AK9: variants seen among roughly 807,000 people sequenced by gnomAD.
The protein encoded by AK9 is adenylate kinase 9, also known as adenylate kinase domain containing 1.
Under a neutral mutation model 239.6 loss-of-function variants are expected in AK9, and 191 were observed. The observed-to-expected ratio is 0.80, with a 90% CI of 0.71 to 0.90. The LOEUF (loss-of-function observed/expected upper bound fraction) is 0.90, where lower values mean the gene tolerates loss of function less well. AK9 is among the 40% of genes least tolerant of loss of function. AK9 has a pLI of 0.00. For synonymous variants in AK9, 689 were observed against 721.0 expected (o/e 0.96, Z 0.71); for missense variants, 1,995 against 2,214.7 (o/e 0.90, Z 1.99).
chr6:109,512,528 A>G (rs1288782535), intron 32 of AK9, among the ~76,000 whole-genome samples: 1 of 152,138 alleles, frequency 6.6e-6, no homozygotes, highest in African/African-American at 2.4e-5. Flanking sequence ...TCCTGTAACA[A>G]TTATAGACTC....
chr6:109,586,838 A>G (rs1428608794), intron 17 of AK9, among the ~76,000 whole-genome samples: 1 of 152,200 alleles, frequency 6.6e-6, no homozygotes, highest in African/African-American at 2.4e-5. Flanking sequence ...GTATCTATGA[A>G]AACACCAATT....
chr6:109,687,394 T>C (rs533973773), intron 1 of AK9, among the ~76,000 whole-genome samples: 8 of 152,296 alleles, frequency 5.3e-5, no homozygotes, highest in African/African-American at 1.9e-4. Context: ...GGTCTGTAAC[T>C]TGCTTCTAAA....
intron 35 of AK9, among the ~76,000 whole-genome samples, chr6:109,502,292 T>C (rs1260889721): frequency 6.6e-6 from 1 of 152,182 alleles, no homozygotes; most frequent in Non-Finnish European, 1.5e-5. Context: ...CCCATGAATA[T>C]GACCTTATTC....
chr6:109,656,674 G>T, intron 8 of AK9, 82 bp downstream of exon 8: 1 of 1,400,594 alleles, frequency 7.1e-7, no homozygotes, highest in Non-Finnish European at 9.8e-7. Flanking sequence ...AACACATGGG[G>T]ATGAAGACAT....
intron 12 of AK9, among the ~76,000 whole-genome samples, chr6:109,631,280 C>T (rs1238927777): frequency 2.0e-5 from 3 of 151,500 alleles, no homozygotes; most frequent in Non-Finnish European, 2.9e-5. Flanking sequence ...GAGAATAGTC[C>T]TAATGCTTAT....
At chr6:109,614,880 C>T (rs1457083817) in intron 13 of AK9, among the ~76,000 whole-genome samples, 1 of 151,944 alleles carries the variant, frequency 6.6e-6, no homozygotes, top group East Asian at 1.9e-4. Context: ...GCAAAAAATT[C>T]CAATTTAAAA....
At chr6:109,648,367 G>C (rs1033422606) in intron 8 of AK9, among the ~76,000 whole-genome samples, 10 of 151,990 alleles carry the variant, frequency 6.6e-5, no homozygotes, top group African/African-American at 2.2e-4. Context: ...GAAGAAAAGA[G>C]AGAAGAATCA....
intron 29 of AK9, among the ~76,000 whole-genome samples, chr6:109,516,855 G>A (rs1423465698): frequency 6.6e-6 from 1 of 152,032 alleles, no homozygotes. Context: ...TATTTTTCTG[G>A]TTCCTTCTCA....
intron 29 of AK9, among the ~76,000 whole-genome samples, chr6:109,519,558 G>A (rs962359775): frequency 1.3e-5 from 2 of 152,086 alleles, no homozygotes; most frequent in African/African-American, 4.8e-5. Flanking sequence ...ACTTTGGGAG[G>A]CTGAGGCTGG....
At chr6:109,598,693 G>A (rs1791428673) in intron 17 of AK9, among the ~76,000 whole-genome samples, 1 of 152,228 alleles carries the variant, frequency 6.6e-6, no homozygotes, top group South Asian at 2.1e-4. Context: ...CCCACCAACA[G>A]TGTAAAAGCA....
chr6:109,546,517 ATT>A (rs1374050212), intron 25 of AK9, among the ~76,000 whole-genome samples: 1 of 152,246 alleles, frequency 6.6e-6, no homozygotes, highest in Non-Finnish European at 1.5e-5. Flanking sequence ...AGCCTTCTCC[ATT>A]TATTACAGTA....
chr6:109,613,897 G>T (rs1474662128), intron 15 of AK9, among the ~76,000 whole-genome samples: 3 of 151,940 alleles, frequency 2.0e-5, no homozygotes, highest in African/African-American at 7.2e-5. Context: ...CTTTTAAAAA[G>T]AATTTATGAT....
At chr6:109,528,989 A>C in intron 29 of AK9, 22 bp downstream of exon 29, 1 of 1,542,756 alleles carries the variant, frequency 6.5e-7, no homozygotes, top group Non-Finnish European at 8.7e-7. Context: ...CCTGTTTTGA[A>C]AAAAAAAACA....
chr6:109,616,545 T>G (rs74892101), intron 13 of AK9, among the ~76,000 whole-genome samples: 1 of 27,860 alleles, frequency 3.6e-5, no homozygotes. Flanking sequence ...ACCCAACTAA[T>G]TTTTTTTTTT....
At chr6:109,635,644 C>T (rs1267977791) in intron 10 of AK9, among the ~76,000 whole-genome samples, 2 of 152,184 alleles carry the variant, frequency 1.3e-5, no homozygotes, top group Non-Finnish European at 2.9e-5. Flanking sequence ...TCTACTCCTA[C>T]CCATCCTCTT....
chr6:109,645,301 T>C (rs1485795713), intron 8 of AK9, among the ~76,000 whole-genome samples: 2 of 152,166 alleles, frequency 1.3e-5, no homozygotes, highest in African/African-American at 4.8e-5. Flanking sequence ...TTCGCTTTCC[T>C]AGCCAAGGGA....
In AK9 at chr6:109,621,913, CA is replaced by C. The variant is rs758683676; in HGVS notation, c.1255-2678del. The stretch of plus-strand genomic sequence containing the variant: ...ATAATTAAAAAAAAAAAAAAAAAAA[CA>C]AAAAAAAAACAGAAAGAGAAATTCC... On this transcript the variant is annotated intron_variant, in intron 12 of 40. Coordinates refer to ENST00000424296, the MANE Select transcript of AK9 (RefSeq NM_001145128.3). Among the ~76,000 whole-genome samples the C allele has an allele frequency of 6.8e-4, 48 of 70,280 alleles. 1 individual carries two copies. Among genetic ancestry groups the C allele is most frequent in the African/African-American group, 2.5e-3 (40 of 15,960 alleles). The allele number at this position is 70,280 out of a possible 152,430, so 46.1% of individuals were successfully genotyped here. A position where few individuals can be genotyped will look rare whatever the true frequency, so the allele number is the denominator to read the frequency against.
At chr6:109,605,556 CAT>C (rs757986543) in intron 17 of AK9, among the ~76,000 whole-genome samples, 35 of 152,048 alleles carry the variant, frequency 2.3e-4, no homozygotes, top group East Asian at 1.3e-3. Flanking sequence ...ATTTATCCCA[CAT>C]GATTCTGATG....
chr6:109,651,635 G>C (rs1433009169), intron 8 of AK9, among the ~76,000 whole-genome samples: 2 of 152,056 alleles, frequency 1.3e-5, no homozygotes, highest in Admixed American at 1.3e-4. Context: ...CCAGAAGCTG[G>C]TTTTTTGAAA....
Sources: gnomAD v4.1 joint callset for allele counts (sites outside exome capture counted in the v4.1 genomes callset) on GRCh38, gnomAD v4.1.1 for gene constraint, MANE v1.5 for transcripts, NCBI Gene and HGNC (gene_info 2026-07-23, HGNC 2026-07-21) for gene names.